The following DDX21 variants were observed in gnomAD, a reference collection of about 807,000 sequenced individuals.
DDX21 encodes the protein DExD-box helicase 21, also known as nucleolar RNA helicase 2.
DDX21 carries 18 observed loss-of-function variants against 90.0 expected under a neutral mutation model. The observed-to-expected ratio is 0.20, with a 90% CI of 0.14 to 0.30. The LOEUF is 0.30. Among genes scored for constraint, DDX21 ranks in the 10% least tolerant of loss-of-function variants. The pLI is 1.00. For missense variants in DDX21, 673 were observed against 944.5 expected (o/e 0.71, Z 3.77); for synonymous variants, 294 against 318.0 (o/e 0.92, Z 0.80).
intron 8 of DDX21, 132 bp downstream of exon 8, chr10:68,970,482 C>T: frequency 1.1e-5 from 9 of 816,982 alleles, no homozygotes; most frequent in South Asian, 4.8e-5. Flanking sequence ...TGAGAGGAAG[C>T]TACTTTTTTT....
chr10:68,956,416 A>G, intron 1 of DDX21, 104 bp downstream of exon 1: 1 of 1,547,502 alleles, frequency 6.5e-7, no homozygotes, highest in Non-Finnish European at 8.8e-7. Flanking sequence ...GCGGCGGATA[A>G]CAGCGCGTCC....
Position 68,970,187 on chromosome 10 carries a change from T to C in DDX21, c.1237-14T>C, listed in dbSNP as rs749352962. On this transcript the variant is annotated splice_polypyrimidine_tract_variant and intron_variant, in intron 7 of 14. Coordinates refer to ENST00000354185, the MANE Select transcript of DDX21 (RefSeq NM_004728.4). ...AGCTTTACTAAATAGATGTTTTTTTTCTTCTTACATAAGCATCTGGCTATT... is the reference window on the plus strand; with the variant it reads ...AGCTTTACTAAATAGATGTTTTTTTCCTTCTTACATAAGCATCTGGCTATT... The C allele has an allele frequency of 4.8e-5, 77 of 1,592,338 alleles. No homozygotes were observed. The highest frequency in any genetic ancestry group is 5.7e-5 in the Non-Finnish European group (67 of 1,172,578).
At chr10:68,969,222 A>G (rs1302242887) in intron 7 of DDX21, 101 bp downstream of exon 7, 1 of 1,148,190 alleles carries the variant, frequency 8.7e-7, no homozygotes, top group Non-Finnish European at 1.2e-6. Context: ...GATAAATACT[A>G]AATCCATGTG....
chr10:68,980,852 A>G (rs1175419193), intron 13 of DDX21, among the ~76,000 whole-genome samples: 1 of 135,618 alleles, frequency 7.4e-6, no homozygotes, highest in Non-Finnish European at 1.6e-5. Context: ...AAAAAAAAAA[A>G]GCCAGATGTA....
intron 1 of DDX21, among the ~76,000 whole-genome samples, chr10:68,957,268 G>T (rs989953412): frequency 1.4e-4 from 21 of 152,312 alleles, no homozygotes; most frequent in African/African-American, 5.1e-4. Context: ...CCATGGAAAT[G>T]TAAAGGCATG....
Position 68,968,359 on chromosome 10 carries a change from G to C in DDX21, c.1091-617G>C, listed in dbSNP as rs114384233. Among the ~76,000 whole-genome samples the C allele has an allele frequency of 4.4e-3, 670 of 152,210 alleles. 6 individuals are homozygous for C. The highest frequency in any genetic ancestry group is 0.015 in the African/African-American group (634 of 41,526). ...GATAGAGACAGGGTCTCACTGTGTT[G>C]CCCAGGCTTGTCTTGATTCCTGGCC... On this transcript the variant is annotated intron_variant, in intron 6 of 14. Coordinates refer to ENST00000354185, the MANE Select transcript of DDX21 (RefSeq NM_004728.4).
At position 68,971,944 on chromosome 10, in the gene DDX21, G is replaced by C; in HGVS notation, c.1440G>C (p.Leu480=). The part of the protein sequence containing the change: ...DIPQKQREIT[L]KGFRNGSFGV... ...CACAGAAGCAAAGGGAAATCACCCT[G>C]AAAGGTTTTAGAAATGGTAGTTTTG... The change falls in exon 9 of 15, where the codon CTG becomes CTC. Residue 480 remains leucine (L), a synonymous_variant. Transcript: ENST00000354185. The C allele has an allele frequency of 1.2e-6, 2 of 1,614,180 alleles. No individual in the cohort carries two copies. The highest frequency in any genetic ancestry group is 1.7e-6 in the Non-Finnish European group (2 of 1,180,024).
rs1249401606 is a variant in DDX21, at chr10:68,983,418, T to C, written c.*606T>C. 6.6e-6 allele frequency: 1 copy of C among 152,642 alleles called. No homozygotes were observed. Among genetic ancestry groups the C allele is most frequent in the South Asian group, 2.1e-4 (1 of 4,864 alleles). 9.5% of individuals were successfully genotyped at this position (152,642 alleles called of 1,614,324 possible). On this transcript the variant is annotated 3_prime_UTR_variant, in exon 15 of 15. Transcript: ENST00000354185. ...GTTTGATGTGGATTACCTATACTTA[T>C]GTTCGTTTTGATACATTTTTAGCTT...
At chr10:68,974,830 A>AG (rs1843072723) in intron 11 of DDX21, 87 bp downstream of exon 11, 1 of 1,227,926 alleles carries the variant, frequency 8.1e-7, no homozygotes, top group East Asian at 2.6e-5. Flanking sequence ...TGACTTAAAA[A>AG]AATTTTTTTT....
rs759331255 is a variant in DDX21, at chr10:68,959,833, G to T, written c.115G>T (p.Asp39Tyr). The change falls in exon 2 of 15, where the codon GAT (aspartate) becomes TAT (tyrosine). Residue 39 changes from aspartate (D) to tyrosine (Y), a missense_variant. Physicochemically the swap from Asp to Tyr is radical, Grantham distance 160. Transcript: ENST00000354185. ...EKEKKEKPKS[D>Y]KTEEIAEEEE... ...AGAGAAAAAAGAGAAGCCAAAATCTGATAAGACTGAAGAGATAGCAGAAGA... is the reference window on the plus strand; with the variant it reads ...AGAGAAAAAAGAGAAGCCAAAATCTTATAAGACTGAAGAGATAGCAGAAGA... 1 of 1,552,518 alleles carries T rather than the reference G, an allele frequency of 6.4e-7. No individual in the cohort carries two copies. The highest frequency in any genetic ancestry group is 1.4e-5 in the African/African-American group (1 of 71,652).
chr10:68,965,319 C>T, intron 4 of DDX21, 58 bp from the exon 5 acceptor site: 1 of 1,361,314 alleles, frequency 7.3e-7, no homozygotes, highest in Non-Finnish European at 1.0e-6. Flanking sequence ...TCTTTAAGGA[C>T]TAGATTAAGA....
At chr10:68,980,547 T>G (rs955752669) in intron 13 of DDX21, among the ~76,000 whole-genome samples, 1 of 152,174 alleles carries the variant, frequency 6.6e-6, no homozygotes, top group African/African-American at 2.4e-5. Flanking sequence ...CAGTAGGTGA[T>G]GATACCTATG....
At chr10:68,961,284 A>G (rs574724129) in intron 2 of DDX21, among the ~76,000 whole-genome samples, 2 of 152,324 alleles carry the variant, frequency 1.3e-5, no homozygotes, top group East Asian at 3.9e-4. Context: ...ATCATGGTCA[A>G]CATTTGTAAC....
Position 68,960,080 on chromosome 10 carries a change from C to T in DDX21, c.362C>T (p.Ser121Phe). 2 of 1,611,276 alleles carry T rather than the reference C, an allele frequency of 1.2e-6. No homozygotes were observed. Among genetic ancestry groups the T allele is most frequent in the Middle Eastern group, 1.7e-4 (1 of 6,054 alleles). Residue 121 changes from serine to phenylalanine, a missense_variant, in exon 2 of 15, where the codon TCT becomes TTT. By Grantham distance (155) the Ser-to-Phe change is radical. Transcript: ENST00000354185. The stretch of plus-strand genomic sequence containing the variant: ...AAAGTGACAAAAAATGAGGAGCCTT[C>T]TGAGGAAGAAATAGATGCTCCTAAG... ...TKKVTKNEEP[S>F]EEEIDAPKPK... is the part of the protein sequence containing the mutation.
At position 68,956,329 on chromosome 10, in the gene DDX21, T is replaced by G; in HGVS notation, c.87+17T>G. 6.2e-7 allele frequency: 1 copy of G among 1,613,864 alleles called. No homozygotes were observed. The highest frequency in any genetic ancestry group is 8.5e-7 in the Non-Finnish European group (1 of 1,179,836). On this transcript the variant is annotated intron_variant, in intron 1 of 14. Transcript: ENST00000354185. ...ACCGAGGAGGTGAAACGGAGGGACC[T>G]GGGGCCAGGAGGGACGCTGAATGGA...
At position 68,983,293 on chromosome 10, in the gene DDX21, G is replaced by A. The variant is rs1211309010; in HGVS notation, c.*481G>A. ...TGTGGTCCTATTATTTGTCTACTGA[G>A]ACTTAATACTGAGCAATGTTTTGAA... is the stretch of plus-strand genomic sequence containing the variant. On this transcript the variant is annotated 3_prime_UTR_variant, in exon 15 of 15. Transcript: ENST00000354185. 4 of 165,870 alleles carry A rather than the reference G, an allele frequency of 2.4e-5. No individual in the cohort carries two copies. The highest frequency in any genetic ancestry group is 5.3e-5 in the Non-Finnish European group (4 of 75,024). 10.3% of individuals were successfully genotyped at this position (165,870 alleles called of 1,614,324 possible). A position where few individuals can be genotyped will look rare whatever the true frequency, so the allele number is the denominator to read the frequency against.
At chr10:68,966,950 CTG>C (rs1842947623) in intron 5 of DDX21, 66 bp from the exon 6 acceptor site, 1 of 1,303,668 alleles carries the variant, frequency 7.7e-7, no homozygotes, top group South Asian at 1.5e-5. Flanking sequence ...ATACAGTTAA[CTG>C]TGGTACCCCA....
At chr10:68,967,978 T>C (rs1564627380) in intron 6 of DDX21, among the ~76,000 whole-genome samples, 1 of 151,974 alleles carries the variant, frequency 6.6e-6, no homozygotes. Flanking sequence ...CATTGCAGCC[T>C]CCACCTTCCA....
chr10:68,965,674 T>G (rs540801782), intron 5 of DDX21, among the ~76,000 whole-genome samples, 180 bp downstream of exon 5: 1 of 152,360 alleles, frequency 6.6e-6, no homozygotes, highest in African/African-American at 2.4e-5. Flanking sequence ...AGGCAAATCC[T>G]GTATATCGTT....
Sources: gnomAD v4.1 joint callset for allele counts (sites outside exome capture counted in the v4.1 genomes callset) on GRCh38, gnomAD v4.1.1 for gene constraint, MANE v1.5 for transcripts, NCBI Gene and HGNC (gene_info 2026-07-23, HGNC 2026-07-21) for gene names.